Variants in UBE2N observed in about 807,000 individuals in gnomAD.
The protein encoded by UBE2N is ubiquitin-conjugating enzyme E2 N.
For missense variants in UBE2N, 60 were observed against 192.1 expected, an observed-to-expected ratio of 0.31 and a Z score of 4.07; for synonymous variants, 70 against 69.2, an observed-to-expected ratio of 1.01 and a Z score of -0.06.
At chr12:93,441,615 C>G (rs948356651) in intron 1 of UBE2N, among the ~76,000 whole-genome samples, 3 of 152,024 alleles carry the variant, frequency 2.0e-5, no homozygotes, top group East Asian at 3.9e-4. Flanking sequence ...CCTGGCCCGC[C>G]GGGCAGCCGC....
chr12:93,427,191 A>C (rs932499744), intron 1 of UBE2N, among the ~76,000 whole-genome samples: 2 of 152,198 alleles, frequency 1.3e-5, no homozygotes, highest in African/African-American at 4.8e-5. Context: ...AAGGGCTGGG[A>C]TTACAGGCGT....
At position 93,441,841 on chromosome 12, in the gene UBE2N, G is replaced by A. The variant is rs763082262; in HGVS notation, c.30+14C>T. 3 of 1,579,176 alleles carry A rather than the reference G, an allele frequency of 1.9e-6. No homozygotes were observed. The highest frequency in any genetic ancestry group is 2.6e-6 in the Non-Finnish European group (3 of 1,165,368). ...GAGCAGAGCGAAGAGCTGGAGGCCG[G>A]CCTGGGCGGTTACCTTGATGATCCT... On this transcript the variant is annotated intron_variant, in intron 1 of 3. Coordinates refer to ENST00000318066, the MANE Select transcript of UBE2N (RefSeq NM_003348.4).
At position 93,430,410 on chromosome 12, in the gene UBE2N, G is replaced by A. The variant is rs1023200784; in HGVS notation, c.30+11445C>T. Among the ~76,000 whole-genome samples the A allele has an allele frequency of 3.3e-5, 5 of 152,118 alleles. 1 individual carries two copies. The highest frequency in any genetic ancestry group is 3.3e-4 in the Admixed American group (5 of 15,274). ...GTGATTCAAGACTGTATATTTTGCC[G>A]GTAAGAAAGAGCAGCAAAGAGTCCC... On this transcript the variant is annotated intron_variant, in intron 1 of 3. Coordinates refer to ENST00000318066, the MANE Select transcript of UBE2N (RefSeq NM_003348.4).
chr12:93,422,902 G>A lies in UBE2N; in HGVS notation c.31-11603C>T, dbSNP rs2121076185. 2.6e-5 allele frequency among the ~76,000 whole-genome samples: 4 copies of A among 152,210 alleles called. 1 individual carries two copies. In the Middle Eastern group the frequency reaches 0.014, roughly 518 times the overall value. ...GTATAATGTTGGAGCTGGGAGATAAGAAAATTGTAAAAATTTTAAGTAACT... is the reference window on the plus strand; with the variant it reads ...GTATAATGTTGGAGCTGGGAGATAAAAAAATTGTAAAAATTTTAAGTAACT... On this transcript the variant is annotated intron_variant, in intron 1 of 3. Coordinates refer to ENST00000318066, the MANE Select transcript of UBE2N (RefSeq NM_003348.4).
intron 1 of UBE2N, 127 bp downstream of exon 1, chr12:93,441,728 C>G: frequency 7.6e-7 from 1 of 1,319,932 alleles, no homozygotes; most frequent in Non-Finnish European, 1.0e-6. Context: ...CGCGGCCAAC[C>G]CCTCTCCGCG....
chr12:93,410,564 G>T (rs1878003963), intron 3 of UBE2N, 170 bp downstream of exon 3: 1 of 929,714 alleles, frequency 1.1e-6, no homozygotes, highest in Non-Finnish European at 1.6e-6. Context: ...ATATTTGGGG[G>T]GTCCCATAGC....
At chr12:93,429,878 CA>C (rs1160216923) in intron 1 of UBE2N, among the ~76,000 whole-genome samples, 5 of 151,720 alleles carry the variant, frequency 3.3e-5, no homozygotes, top group South Asian at 2.1e-4. Flanking sequence ...AATGTTAATA[CA>C]AAAAAATCAA....
intron 3 of UBE2N, chr12:93,410,330 C>T (rs560043495): frequency 2.0e-6 from 1 of 499,432 alleles, no homozygotes; most frequent in South Asian, 2.6e-5. Flanking sequence ...TTTCTAGATA[C>T]ACAATTCTCC....
At position 93,440,071 on chromosome 12, in the gene UBE2N, T is replaced by C. The variant is rs113335657; in HGVS notation, c.30+1784A>G. 9.2e-5 allele frequency among the ~76,000 whole-genome samples: 14 copies of C among 152,306 alleles called. 1 individual carries two copies. Among genetic ancestry groups the C allele is most frequent in the Admixed American group, 2.6e-4 (4 of 15,298 alleles). On this transcript the variant is annotated intron_variant, in intron 1 of 3. Transcript: ENST00000318066. ...CATATTACTGGGCATATCTTCATAATCAAAAATAGAAAAATGCGTGTTAAA... is the reference window on the plus strand; with the variant it reads ...CATATTACTGGGCATATCTTCATAACCAAAAATAGAAAAATGCGTGTTAAA...
chr12:93,424,075 TAA>T (rs1333803134), intron 1 of UBE2N, among the ~76,000 whole-genome samples: 1 of 152,200 alleles, frequency 6.6e-6, no homozygotes, highest in Non-Finnish European at 1.5e-5. Context: ...GTTGTTCTGA[TAA>T]AGACAAAAGC....
chr12:93,435,216 T>C (rs1878899923), intron 1 of UBE2N, among the ~76,000 whole-genome samples: 1 of 152,176 alleles, frequency 6.6e-6, no homozygotes, highest in Non-Finnish European at 1.5e-5. Context: ...CTCACACCTG[T>C]AGTTCCAGCA....
At position 93,409,836 on chromosome 12, in the gene UBE2N, T is replaced by G; in HGVS notation, c.*203A>C. ...CGTTTCACAACAATCCAGATGATAC[T>G]TCTAGCCTCTGCTCATGCTTTATGA... On this transcript the variant is annotated 3_prime_UTR_variant, in exon 4 of 4. Transcript: ENST00000318066. 1.7e-6 allele frequency: 1 copy of G among 597,766 alleles called. No individual in the cohort carries two copies. The highest frequency in any genetic ancestry group is 2.0e-5 in the South Asian group (1 of 48,898). 37.0% of individuals were successfully genotyped at this position (597,766 alleles called of 1,614,324 possible). A position where few individuals can be genotyped will look rare whatever the true frequency, so the allele number is the denominator to read the frequency against.
chr12:93,428,460 A>C (rs914541643), intron 1 of UBE2N, among the ~76,000 whole-genome samples: 1 of 152,058 alleles, frequency 6.6e-6, no homozygotes, highest in Non-Finnish European at 1.5e-5. Context: ...CCTTTCCCTA[A>C]ACCAACCTTG....
intron 1 of UBE2N, among the ~76,000 whole-genome samples, chr12:93,439,208 G>A (rs1183551653): frequency 6.6e-6 from 1 of 152,178 alleles, no homozygotes; most frequent in Non-Finnish European, 1.5e-5. Context: ...AAGGTCAGGC[G>A]GGGCACAGTG....
At chr12:93,427,375 T>C (rs1878627539) in intron 1 of UBE2N, among the ~76,000 whole-genome samples, 1 of 152,242 alleles carries the variant, frequency 6.6e-6, no homozygotes, top group Non-Finnish European at 1.5e-5. Context: ...TTCAGCACTA[T>C]CACTTTTTAA....
intron 3 of UBE2N, 198 bp from the exon 4 acceptor site, chr12:93,410,277 T>C (rs1342199814): frequency 1.8e-6 from 1 of 541,930 alleles, no homozygotes; most frequent in Non-Finnish European, 3.2e-6. Context: ...ACAATAAAAT[T>C]AAGAAGTTCT....
rs1877776806 is a variant in UBE2N at position 93,405,781 on chromosome 12, C to T, written c.*4258G>A. On this transcript the variant is annotated 3_prime_UTR_variant, in exon 4 of 4. Coordinates refer to ENST00000318066, the MANE Select transcript of UBE2N (RefSeq NM_003348.4). The stretch of plus-strand genomic sequence containing the variant: ...TTATGTTATTTAAAGTATAAACCCT[C>T]ATATAATTCCCTAAGATGGGTGGCA... 6.6e-6 allele frequency: 1 copy of T among 152,128 alleles called. No individual in the cohort carries two copies. 9.4% of individuals were successfully genotyped at this position (152,128 alleles called of 1,614,324 possible). A position where few individuals can be genotyped will look rare whatever the true frequency, so the allele number is the denominator to read the frequency against.
intron 1 of UBE2N, among the ~76,000 whole-genome samples, chr12:93,433,669 T>C (rs1189455048): frequency 6.6e-6 from 1 of 152,210 alleles, no homozygotes; most frequent in Non-Finnish European, 1.5e-5. Context: ...AGATACGAAT[T>C]TGGCACCTAA....
In UBE2N at chr12:93,416,771, T is replaced by C. The variant is rs1011170695; in HGVS notation, c.31-5472A>G. Among the ~76,000 whole-genome samples, 5 of 150,490 alleles carry C rather than the reference T, an allele frequency of 3.3e-5. 1 individual carries two copies. The highest frequency in any genetic ancestry group is 2.0e-4 in the East Asian group (1 of 5,104). ...GGTTCACACCTGTAATCCCTGCACTTTGGGAGGCTGAGGCAGGCAGGGGAA... is the reference window on the plus strand; with the variant it reads ...GGTTCACACCTGTAATCCCTGCACTCTGGGAGGCTGAGGCAGGCAGGGGAA... On this transcript the variant is annotated intron_variant, in intron 1 of 3. Transcript: ENST00000318066.
Sources: allele counts gnomAD v4.1 joint callset (sites outside exome capture counted in the v4.1 genomes callset), GRCh38; gene constraint gnomAD v4.1.1; transcripts MANE v1.5; gene names NCBI Gene and HGNC (gene_info 2026-07-23, HGNC 2026-07-21).